The following PRIMA1 variants were observed in gnomAD, a reference collection of about 807,000 sequenced individuals.
PRIMA1 encodes the protein proline-rich membrane anchor 1.
Under a neutral mutation model 17.5 loss-of-function variants are expected in PRIMA1, and 7 were observed. The observed-to-expected ratio is 0.40, with a 90% confidence interval of 0.23 to 0.75. The LOEUF is 0.75. Ranked by LOEUF, PRIMA1 falls within the 30% of genes least tolerant of loss-of-function variation. The pLI is 0.37. For missense variants in PRIMA1, 200 were observed against 201.8 expected, an observed-to-expected ratio of 0.99 and a Z score of 0.05; for synonymous variants, 97 against 77.9, an observed-to-expected ratio of 1.25 and a Z score of -1.29.
chr14:93,737,127 A>G (rs2076154468), intron 4 of PRIMA1, 114 bp downstream of exon 4: 1 of 1,017,796 alleles, frequency 9.8e-7, no homozygotes, highest in African/African-American at 1.6e-5. Context: ...TCTGCTTCTT[A>G]TATGCTTAAC....
intron 3 of PRIMA1, among the ~76,000 whole-genome samples, chr14:93,751,803 G>A (rs79570765): frequency 0.017 from 2,613 of 152,254 alleles, 74 homozygotes; most frequent in African/African-American, 0.06. Flanking sequence ...AAAACCATAC[G>A]TAGTATTGAA....
At chr14:93,737,727 C>T (rs1231630212) in intron 3 of PRIMA1, among the ~76,000 whole-genome samples, 7 of 152,298 alleles carry the variant, frequency 4.6e-5, no homozygotes, top group South Asian at 2.1e-4. Flanking sequence ...CCCCACCCTG[C>T]GGCAGGTGAC....
At chr14:93,780,926 C>A (rs1158582887) in intron 2 of PRIMA1, among the ~76,000 whole-genome samples, 1 of 152,244 alleles carries the variant, frequency 6.6e-6, no homozygotes, top group African/African-American at 2.4e-5. Flanking sequence ...AACCAGAACT[C>A]CACTTTCCCT....
intron 3 of PRIMA1, among the ~76,000 whole-genome samples, chr14:93,765,764 A>T (rs181636629): frequency 6.6e-6 from 1 of 152,206 alleles, no homozygotes; most frequent in Admixed American, 6.5e-5. Flanking sequence ...CCTCTTAATG[A>T]TCAGTCACTT....
intron 3 of PRIMA1, among the ~76,000 whole-genome samples, chr14:93,771,902 A>AG (rs772797350): frequency 1.1e-4 from 17 of 152,328 alleles, no homozygotes; most frequent in South Asian, 4.1e-4. Flanking sequence ...AGAGTTAGGC[A>AG]GGGGCCACAC....
At chr14:93,787,592 C>G (rs1316168362) in intron 2 of PRIMA1, 34 bp downstream of exon 2, 39 of 1,537,826 alleles carry the variant, frequency 2.5e-5, no homozygotes, top group Non-Finnish European at 3.1e-5. Context: ...ACCCAGGAGG[C>G]CCTCCCAGCC....
At chr14:93,782,715 T>C (rs1885418125) in intron 2 of PRIMA1, among the ~76,000 whole-genome samples, 1 of 152,212 alleles carries the variant, frequency 6.6e-6, no homozygotes, top group South Asian at 2.1e-4. Flanking sequence ...CCAACTGTTC[T>C]CACAAAAGGA....
upstream of PRIMA1, among the ~76,000 whole-genome samples, chr14:93,788,811 G>A (rs1566981467): frequency 6.6e-6 from 1 of 151,906 alleles, no homozygotes; most frequent in Admixed American, 6.6e-5. Flanking sequence ...GGCGGGGAAA[G>A]TCTCCTCCAC....
chr14:93,780,659 C>T (rs1385932650), intron 2 of PRIMA1, among the ~76,000 whole-genome samples: 1 of 152,150 alleles, frequency 6.6e-6, no homozygotes, highest in East Asian at 1.9e-4. Context: ...CAAAATTTTG[C>T]AGGTGGAGCT....
At chr14:93,762,161 C>T (rs1220553037) in intron 3 of PRIMA1, among the ~76,000 whole-genome samples, 2 of 152,170 alleles carry the variant, frequency 1.3e-5, no homozygotes, top group Non-Finnish European at 2.9e-5. Flanking sequence ...GGGGCCGGCC[C>T]CACCTTCCCA....
At chr14:93,745,943 G>A (rs965946952) in intron 3 of PRIMA1, among the ~76,000 whole-genome samples, 1 of 152,168 alleles carries the variant, frequency 6.6e-6, no homozygotes, top group Non-Finnish European at 1.5e-5. Context: ...CAAAGACAAC[G>A]TGAGAGACAC....
chr14:93,758,572 G>A (rs371695807), intron 3 of PRIMA1, among the ~76,000 whole-genome samples: 2 of 143,892 alleles, frequency 1.4e-5, no homozygotes, highest in East Asian at 2.0e-4. Flanking sequence ...GCACTCCAGC[G>A]TGGGCAACAG....
At chr14:93,743,094 G>T (rs972300307) in intron 3 of PRIMA1, among the ~76,000 whole-genome samples, 1 of 152,232 alleles carries the variant, frequency 6.6e-6, no homozygotes, top group Non-Finnish European at 1.5e-5. Context: ...TCTGAGTCTA[G>T]AAGAGGGGAG....
upstream of PRIMA1, chr14:93,788,606 G>T (rs1348182433): frequency 3.3e-5 from 5 of 152,306 alleles, no homozygotes; most frequent in East Asian, 9.7e-4. Context: ...ACATGCCGGG[G>T]AGGAGCGCCC....
chr14:93,775,794 G>A (rs1461199531), intron 3 of PRIMA1, among the ~76,000 whole-genome samples: 1 of 152,342 alleles, frequency 6.6e-6, no homozygotes, highest in African/African-American at 2.4e-5. Flanking sequence ...TGGCCTGGTA[G>A]CCATGTTCTT....
At chr14:93,771,153 C>CATGTGCACGTATGTGTGTGTGTGT (rs1566976056) in intron 3 of PRIMA1, among the ~76,000 whole-genome samples, 6 of 151,186 alleles carry the variant, frequency 4.0e-5, no homozygotes, top group African/African-American at 1.5e-4. Context: ...TGTGTGTGTG[C>CATGTGCACGTATGTGTGTGTGTGT]GCATGTATGT....
At chr14:93,755,963 TCTC>T (rs2076288015) in intron 3 of PRIMA1, among the ~76,000 whole-genome samples, 1 of 152,132 alleles carries the variant, frequency 6.6e-6, no homozygotes, top group Admixed American at 6.5e-5. Context: ...CCGAAGCTCT[TCTC>T]CCACACGCAG....
rs2076033507 is a variant in PRIMA1 at position 93,720,954 on chromosome 14, C to CT, written c.*489dup. 6.4e-6 allele frequency: 1 copy of CT among 155,590 alleles called. No individual in the cohort carries two copies. Among genetic ancestry groups the CT allele is most frequent in the Admixed American group, 6.4e-5 (1 of 15,714 alleles). 9.6% of individuals were successfully genotyped at this position (155,590 alleles called of 1,614,324 possible). ...GGGAAGCACCTTTGAAAGGGGACGT[C>CT]TGTCTGCTGGCTGTGCCGATGGCTT... On this transcript the variant is annotated 3_prime_UTR_variant, in exon 5 of 5. Coordinates refer to ENST00000393140, the MANE Select transcript of PRIMA1 (RefSeq NM_178013.4).
At chr14:93,731,769 C>T (rs1432937301) in intron 4 of PRIMA1, among the ~76,000 whole-genome samples, 1 of 152,194 alleles carries the variant, frequency 6.6e-6, no homozygotes, top group African/African-American at 2.4e-5. Flanking sequence ...CTTCTGCATC[C>T]CTTGTGCTTA....
Sources: allele counts gnomAD v4.1 joint callset (sites outside exome capture counted in the v4.1 genomes callset), GRCh38; gene constraint gnomAD v4.1.1; transcripts MANE v1.5; gene names NCBI Gene and HGNC (gene_info 2026-07-23, HGNC 2026-07-21).